Variants in NKAIN2 observed in about 807,000 individuals in gnomAD.
NKAIN2 encodes the protein sodium/potassium-transporting ATPase subunit beta-1-interacting protein 2.
NKAIN2 carries 14 observed loss-of-function variants against 32.6 expected under a neutral mutation model. The observed-to-expected ratio is 0.43, with a 90% CI of 0.28 to 0.67. The LOEUF (loss-of-function observed/expected upper bound fraction) is 0.67. Among genes scored for constraint, NKAIN2 ranks in the 30% least tolerant of loss-of-function variants. NKAIN2 has a pLI of 0.17. For synonymous variants in NKAIN2, 80 were observed against 87.2 expected (o/e 0.92, Z 0.46); for missense variants, 198 against 258.3 (o/e 0.77, Z 1.60).
rs1009205029 is a variant in NKAIN2, at chr6:124,711,972, G to A, written c.474+53586G>A. 2.0e-4 allele frequency among the ~76,000 whole-genome samples: 31 copies of A among 152,090 alleles called. No homozygotes were observed. The East Asian group carries it at 2.7e-3, about 13-fold the overall frequency. On this transcript the variant is annotated intron_variant, in intron 4 of 6. Coordinates refer to ENST00000368417, the MANE Select transcript of NKAIN2 (RefSeq NM_001040214.3). ...GTTTTATCTACTTTTGGTCTTTGACGATGGTGATGTACAGATGGGTTTTTG... is the reference window on the plus strand; with the variant it reads ...GTTTTATCTACTTTTGGTCTTTGACAATGGTGATGTACAGATGGGTTTTTG...
Position 123,804,056 on chromosome 6 carries a change from C to T in NKAIN2, c.-145C>T, listed in dbSNP as rs940277000. ...AGCAGGTCCTAATGCCTGTCACTTCCCAGGACGCTGGCAGCAGCAGCAGCC... is the reference window on the plus strand; with the variant it reads ...AGCAGGTCCTAATGCCTGTCACTTCTCAGGACGCTGGCAGCAGCAGCAGCC... On this transcript the variant is annotated 5_prime_UTR_variant, in exon 1 of 7. Coordinates refer to ENST00000368417, the MANE Select transcript of NKAIN2 (RefSeq NM_001040214.3). 7.7e-5 allele frequency: 62 copies of T among 802,294 alleles called. No individual in the cohort carries two copies. Among genetic ancestry groups the T allele is most frequent in the African/African-American group, 7.7e-4 (46 of 59,676 alleles). The allele number at this position is 802,294 out of a possible 1,614,324, so 49.7% of individuals were successfully genotyped here.
chr6:123,966,179 T>G (rs1338814331), intron 1 of NKAIN2, among the ~76,000 whole-genome samples: 2 of 152,186 alleles, frequency 1.3e-5, no homozygotes. Context: ...TGATTCCTCT[T>G]TTGTCAGCTG....
chr6:124,055,077 C>G (rs1018141534), intron 1 of NKAIN2, among the ~76,000 whole-genome samples: 3 of 151,898 alleles, frequency 2.0e-5, no homozygotes, highest in Admixed American at 6.6e-5. Flanking sequence ...ACTATATCAC[C>G]TAGATTGTCT....
At chr6:123,836,774 C>T (rs1323800336) in intron 1 of NKAIN2, among the ~76,000 whole-genome samples, 1 of 152,030 alleles carries the variant, frequency 6.6e-6, no homozygotes, top group Non-Finnish European at 1.5e-5. Flanking sequence ...AAAATGTTAA[C>T]ATTAGGGGAA....
intron 2 of NKAIN2, among the ~76,000 whole-genome samples, chr6:124,337,455 C>T (rs76893362): frequency 1.3e-3 from 201 of 152,196 alleles, no homozygotes; most frequent in Non-Finnish European, 2.1e-3. Flanking sequence ...TGCATTGAGC[C>T]GAGATTGCTC....
At chr6:123,982,675 T>C (rs1778951914) in intron 1 of NKAIN2, among the ~76,000 whole-genome samples, 1 of 152,100 alleles carries the variant, frequency 6.6e-6, no homozygotes, top group Non-Finnish European at 1.5e-5. Context: ...ATATATTTTT[T>C]AATTAGAGGT....
At chr6:124,334,116 T>C (rs913263641) in intron 2 of NKAIN2, among the ~76,000 whole-genome samples, 6 of 152,180 alleles carry the variant, frequency 3.9e-5, no homozygotes, top group African/African-American at 1.4e-4. Context: ...TAATTAAAAG[T>C]CTCGATGATT....
intron 3 of NKAIN2, among the ~76,000 whole-genome samples, chr6:124,534,907 C>T (rs1779660326): frequency 6.6e-6 from 1 of 152,124 alleles, no homozygotes; most frequent in African/African-American, 2.4e-5. Flanking sequence ...CTCATAAATA[C>T]AAAATCTATA....
intron 3 of NKAIN2, among the ~76,000 whole-genome samples, chr6:124,409,230 G>A (rs1774026397): frequency 6.6e-6 from 1 of 152,134 alleles, no homozygotes; most frequent in Non-Finnish European, 1.5e-5. Context: ...CCAACACTAT[G>A]TTGAATAGGA....
At chr6:124,666,084 A>C (rs764916778) in intron 4 of NKAIN2, among the ~76,000 whole-genome samples, 3 of 152,198 alleles carry the variant, frequency 2.0e-5, no homozygotes, top group Non-Finnish European at 2.9e-5. Context: ...GCTTTGTTAC[A>C]TGGCTTCAGT....
At chr6:124,611,806 C>T (rs1782700303) in intron 3 of NKAIN2, among the ~76,000 whole-genome samples, 1 of 152,110 alleles carries the variant, frequency 6.6e-6, no homozygotes, top group Non-Finnish European at 1.5e-5. Flanking sequence ...GCTAAGATCG[C>T]TTAAGTGTGA....
chr6:124,561,370 A>G (rs774141192), intron 3 of NKAIN2, among the ~76,000 whole-genome samples: 2 of 152,206 alleles, frequency 1.3e-5, no homozygotes, highest in Admixed American at 6.5e-5. Context: ...GCAGCCAGCT[A>G]TTATGTTAAA....
chr6:124,659,071 T>C (rs372397979), intron 4 of NKAIN2: 82 of 152,224 alleles, frequency 5.4e-4, no homozygotes, highest in African/African-American at 1.9e-3. Context: ...TGTATTACTA[T>C]GACAAAGAGA....
intron 4 of NKAIN2, among the ~76,000 whole-genome samples, chr6:124,777,365 C>G (rs1410673058): frequency 6.6e-6 from 1 of 152,060 alleles, no homozygotes; most frequent in Non-Finnish European, 1.5e-5. Context: ...GTCAGTCACC[C>G]TGGGTTTGAA....
intron 3 of NKAIN2, among the ~76,000 whole-genome samples, chr6:124,530,496 T>G (rs1410372365): frequency 6.6e-6 from 1 of 151,928 alleles, no homozygotes; most frequent in African/African-American, 2.4e-5. Flanking sequence ...GTAGGGACAT[T>G]CAATGGAACT....
chr6:123,949,989 G>A (rs1264249662), intron 1 of NKAIN2, among the ~76,000 whole-genome samples: 2 of 151,952 alleles, frequency 1.3e-5, no homozygotes, highest in Non-Finnish European at 2.9e-5. Context: ...AGTTTGTAGA[G>A]AGTTTTTATC....
chr6:123,939,103 G>T (rs567099333), intron 1 of NKAIN2, among the ~76,000 whole-genome samples: 2 of 151,964 alleles, frequency 1.3e-5, no homozygotes, highest in Non-Finnish European at 2.9e-5. Context: ...GAAAATGGAA[G>T]CAAGAGTTTG....
At chr6:124,150,198 C>G (rs1007877777) in intron 1 of NKAIN2, among the ~76,000 whole-genome samples, 3 of 152,042 alleles carry the variant, frequency 2.0e-5, no homozygotes, top group African/African-American at 7.2e-5. Flanking sequence ...TGACAGATCC[C>G]CCACACTTTT....
intron 1 of NKAIN2, among the ~76,000 whole-genome samples, chr6:124,124,016 A>T (rs79275000): frequency 6.6e-6 from 1 of 151,402 alleles, no homozygotes; most frequent in African/African-American, 2.4e-5. Context: ...TTCCATGTGC[A>T]TTACTTTATT....
Sources: allele counts gnomAD v4.1 joint callset (sites outside exome capture counted in the v4.1 genomes callset), GRCh38; gene constraint gnomAD v4.1.1; transcripts MANE v1.5; gene names NCBI Gene and HGNC (gene_info 2026-07-23, HGNC 2026-07-21).